Variants in MAGI3 observed in about 807,000 individuals in gnomAD.
MAGI3 encodes the protein membrane associated guanylate kinase, WW and PDZ domain containing 3.
MAGI3 carries 43 observed loss-of-function variants against 121.8 expected under a neutral mutation model. That is an observed-to-expected ratio of 0.35 (90% CI 0.28 to 0.46). The LOEUF (loss-of-function observed/expected upper bound fraction) is 0.46. MAGI3 is among the 20% of genes least tolerant of loss of function. The pLI, the probability that MAGI3 is intolerant of heterozygous loss-of-function variation, is 1.00. For synonymous variants in MAGI3, 553 were observed against 639.3 expected, an observed-to-expected ratio of 0.86 and a Z score of 2.04; for missense variants, 1,547 against 1,797.3, an observed-to-expected ratio of 0.86 and a Z score of 2.52.
intron 1 of MAGI3, among the ~76,000 whole-genome samples, chr1:113,418,073 CTTTTG>C (rs370035005): frequency 8.4e-4 from 127 of 152,030 alleles, no homozygotes; most frequent in East Asian, 3.1e-3. Flanking sequence ...TGGTTTCAGT[CTTTTG>C]TTTTTGTTTT....
rs1238575147 is a variant in MAGI3, at chr1:113,625,535, T to A, written c.1360+2541T>A. 2.6e-5 allele frequency among the ~76,000 whole-genome samples: 4 copies of A among 152,234 alleles called. No individual in the cohort carries two copies. The South Asian group carries it at 6.2e-4, about 24-fold the overall frequency. ...TATAGAAAGGCTACTGATTTTTGTATGTCGCTTTTGTATCCTGCAACTTTA... is the reference window on the plus strand; with the variant it reads ...TATAGAAAGGCTACTGATTTTTGTAAGTCGCTTTTGTATCCTGCAACTTTA... On this transcript the variant is annotated intron_variant, in intron 9 of 20. Transcript: ENST00000307546.
intron 9 of MAGI3, among the ~76,000 whole-genome samples, chr1:113,638,277 C>A (rs1287758256): frequency 6.6e-6 from 1 of 152,236 alleles, no homozygotes; most frequent in Non-Finnish European, 1.5e-5. Context: ...TGGTGAGGAA[C>A]TGCGTTCCTT....
At chr1:113,503,219 TAAAAAAAAAAAAAAAAAAA>T (rs869272201) in intron 1 of MAGI3, among the ~76,000 whole-genome samples, 12 of 8,996 alleles carry the variant, frequency 1.3e-3, no homozygotes, top group Middle Eastern at 0.05. Flanking sequence ...AGAGTATAAT[TAAAAAAAAAAAAAAAAAAA>T]AAAAAAAAAA....
chr1:113,519,321 G>A (rs1463483279), intron 1 of MAGI3, among the ~76,000 whole-genome samples: 1 of 152,036 alleles, frequency 6.6e-6, no homozygotes, highest in African/African-American at 2.4e-5. Flanking sequence ...GCCCCATGAG[G>A]GAAGTCTATA....
At chr1:113,472,063 A>G (rs957612782) in intron 1 of MAGI3, among the ~76,000 whole-genome samples, 5 of 152,150 alleles carry the variant, frequency 3.3e-5, no homozygotes, top group Non-Finnish European at 5.9e-5. Context: ...CTGAAAGTCT[A>G]TTTTGTCTGA....
intron 1 of MAGI3, among the ~76,000 whole-genome samples, chr1:113,427,025 A>G (rs1653045778): frequency 6.6e-6 from 1 of 152,072 alleles, no homozygotes; most frequent in Non-Finnish European, 1.5e-5. Context: ...ATGTATACAT[A>G]TATTACTTGT....
intron 9 of MAGI3, among the ~76,000 whole-genome samples, chr1:113,632,714 G>A (rs1405924953): frequency 6.6e-6 from 1 of 152,062 alleles, no homozygotes; most frequent in Non-Finnish European, 1.5e-5. Context: ...ATTTTTTGTT[G>A]CTTGTTTCAC....
chr1:113,415,519 C>T (rs1446679824), intron 1 of MAGI3, among the ~76,000 whole-genome samples: 1 of 152,050 alleles, frequency 6.6e-6, no homozygotes, highest in Non-Finnish European at 1.5e-5. Flanking sequence ...TCCTTTGCCT[C>T]TCTTTTCTAT....
At chr1:113,446,361 C>T (rs532686559) in intron 1 of MAGI3, among the ~76,000 whole-genome samples, 12 of 151,768 alleles carry the variant, frequency 7.9e-5, no homozygotes, top group Non-Finnish European at 1.3e-4. Flanking sequence ...CCATAGTAAC[C>T]ACAAAGAAAA....
chr1:113,522,055 C>T (rs752284718), intron 1 of MAGI3, among the ~76,000 whole-genome samples: 4 of 152,068 alleles, frequency 2.6e-5, no homozygotes, highest in Non-Finnish European at 4.4e-5. Context: ...ACTCTTCTTC[C>T]CCTTTGCTTT....
chr1:113,618,184 T>TTG (rs1557855424), intron 7 of MAGI3, among the ~76,000 whole-genome samples: 1 of 151,960 alleles, frequency 6.6e-6, no homozygotes, highest in Non-Finnish European at 1.5e-5. Context: ...AAAATTTTTT[T>TTG]TAATTAGCTG....
chr1:113,609,272 A>G (rs1308092636), intron 6 of MAGI3, among the ~76,000 whole-genome samples: 5 of 152,202 alleles, frequency 3.3e-5, no homozygotes, highest in African/African-American at 1.2e-4. Context: ...GAAGAATAAT[A>G]TTTTAAGTGT....
At chr1:113,588,937 GT>G (rs1648542111) in intron 4 of MAGI3, among the ~76,000 whole-genome samples, 1 of 152,144 alleles carries the variant, frequency 6.6e-6, no homozygotes, top group African/African-American at 2.4e-5. Context: ...CTGGGAACAT[GT>G]TTTTATGTGG....
At chr1:113,472,180 G>T (rs1274943780) in intron 1 of MAGI3, among the ~76,000 whole-genome samples, 1 of 150,832 alleles carries the variant, frequency 6.6e-6, no homozygotes. Context: ...AAAGTTCCTT[G>T]TAGGCAGCAT....
chr1:113,518,336 G>C (rs1161238794), intron 1 of MAGI3, among the ~76,000 whole-genome samples: 1 of 152,044 alleles, frequency 6.6e-6, no homozygotes, highest in South Asian at 2.1e-4. Context: ...GTAGTAATGA[G>C]ATGTTTTTTA....
intron 1 of MAGI3, among the ~76,000 whole-genome samples, chr1:113,491,605 T>C (rs1656669853): frequency 6.6e-6 from 1 of 151,716 alleles, no homozygotes; most frequent in African/African-American, 2.4e-5. Context: ...TTTGAAGAAA[T>C]TAATAAAATA....
chr1:113,531,513 A>G (rs903390881), intron 1 of MAGI3, among the ~76,000 whole-genome samples: 6 of 152,118 alleles, frequency 3.9e-5, no homozygotes, highest in African/African-American at 1.4e-4. Flanking sequence ...CCTCACCAAC[A>G]GAGTGTTGTT....
intron 1 of MAGI3, among the ~76,000 whole-genome samples, chr1:113,507,459 A>C (rs1190221211): frequency 1.3e-5 from 2 of 152,188 alleles, no homozygotes; most frequent in Non-Finnish European, 2.9e-5. Flanking sequence ...TAATGCTTTA[A>C]AATTTTGGCG....
intron 2 of MAGI3, among the ~76,000 whole-genome samples, chr1:113,578,694 A>G (rs1237415138): frequency 6.6e-6 from 1 of 152,178 alleles, no homozygotes; most frequent in Non-Finnish European, 1.5e-5. Context: ...CTGTTGATTC[A>G]GAGAATCTAA....
Sources: allele counts gnomAD v4.1 joint callset (sites outside exome capture counted in the v4.1 genomes callset), GRCh38; gene constraint gnomAD v4.1.1; transcripts MANE v1.5; gene names NCBI Gene and HGNC (gene_info 2026-07-23, HGNC 2026-07-21).